Variants in SMC2 observed in about 807,000 individuals in gnomAD.
SMC2 encodes the protein structural maintenance of chromosomes protein 2.
SMC2 carries 41 observed loss-of-function variants against 142.6 expected under a neutral mutation model. The observed-to-expected ratio is 0.29, with a 90% CI of 0.22 to 0.37. The LOEUF is 0.37. Among genes scored for constraint, SMC2 ranks in the 10% least tolerant of loss-of-function variants. SMC2 has a pLI of 1.00. For missense variants in SMC2, 1,265 were observed against 1,373.7 expected, an observed-to-expected ratio of 0.92 and a Z score of 1.25; for synonymous variants, 463 against 457.5, an observed-to-expected ratio of 1.01 and a Z score of -0.15.
At chr9:104,129,502 C>CA (rs60804779) in intron 20 of SMC2, 143 bp from the exon 21 acceptor site, 47,151 of 541,396 alleles carry the variant, frequency 0.087, 2 homozygotes, top group Middle Eastern at 0.12. Context: ...AACTCCATCT[C>CA]AAAAAAAAAA....
At position 104,139,317 on chromosome 9, in the gene SMC2, C is replaced by T; in HGVS notation, c.*2C>T. 1.9e-6 allele frequency: 3 copies of T among 1,567,556 alleles called. No homozygotes were observed. The highest frequency in any genetic ancestry group is 2.6e-6 in the Non-Finnish European group (3 of 1,165,550). On this transcript the variant is annotated 3_prime_UTR_variant, in exon 25 of 25. Coordinates refer to ENST00000374793, the MANE Select transcript of SMC2 (RefSeq NM_006444.3). ...AAAGGAGCACATGTGGAAGTTTAAA[C>T]TACAAAGTTATTTCTTCATCTTGAC...
rs375900383 is a variant in SMC2, at chr9:104,134,602, A to G, written c.3269+27A>G. 5.4e-5 allele frequency: 79 copies of G among 1,470,138 alleles called. 1 individual carries two copies. The East Asian group carries it at 7.0e-4, about 13-fold the overall frequency. The allele number at this position is 1,470,138 out of a possible 1,614,324, so 91.1% of individuals were successfully genotyped here. ...TGAGGAATCACTTTGCTATATTATA[A>G]TTTTCATTCCTCTTTATTATAATTC... On this transcript the variant is annotated intron_variant, in intron 23 of 24. Transcript: ENST00000374793.
intron 20 of SMC2, 60 bp downstream of exon 20, chr9:104,127,540 AAATTTAG>A: frequency 7.7e-7 from 1 of 1,304,492 alleles, no homozygotes; most frequent in Non-Finnish European, 1.0e-6. Context: ...GCTCTTGAAA[AAATTTAG>A]AAAACTGCTT....
chr9:104,119,207 A>G (rs890969432), intron 15 of SMC2, among the ~76,000 whole-genome samples: 1 of 152,242 alleles, frequency 6.6e-6, no homozygotes, highest in Non-Finnish European at 1.5e-5. Context: ...TGCAAATGGA[A>G]GATAAAAAGA....
chr9:104,122,777 C>T (rs1018908730), intron 16 of SMC2, among the ~76,000 whole-genome samples: 3 of 151,862 alleles, frequency 2.0e-5, no homozygotes, highest in East Asian at 1.9e-4. Flanking sequence ...AATCATTTTT[C>T]GTGGTGAGTA....
chr9:104,092,015 C>T (rs1227065932), upstream of SMC2: 1 of 152,036 alleles, frequency 6.6e-6, no homozygotes, highest in Non-Finnish European at 1.5e-5. Flanking sequence ...CTACCCTATA[C>T]TCTCTGTTTC....
In SMC2 at chr9:104,120,030, C is replaced by G; in HGVS notation, c.2000C>G (p.Ala667Gly). ...TGTTTCAATTTGCCTCTATCAGGTG[C>G]TCGATCCCAGGCAGCTTCCATTTTA... ...FDPHGTLSGG[A>G]RSQAASILTK... Residue 667 changes from alanine to glycine, a missense_variant, in exon 16 of 25, where the codon GCT (alanine) becomes GGT (glycine). Ala to Gly is a moderately conservative substitution (Grantham distance 60). Coordinates refer to ENST00000374793, the MANE Select transcript of SMC2 (RefSeq NM_006444.3). 6.2e-7 allele frequency: 1 copy of G among 1,613,824 alleles called. No homozygotes were observed. Among genetic ancestry groups the G allele is most frequent in the Non-Finnish European group, 8.5e-7 (1 of 1,179,858 alleles).
chr9:104,100,311 C>T, intron 6 of SMC2, 78 bp from the exon 7 acceptor site: 2 of 1,397,210 alleles, frequency 1.4e-6, no homozygotes, highest in Non-Finnish European at 2.0e-6. Flanking sequence ...TTTCCATAGT[C>T]ATCCCTGCTA....
rs374266125 is a variant in SMC2 at position 104,120,061 on chromosome 9, G to A, written c.2031G>A (p.Lys677=). 1.7e-5 allele frequency: 28 copies of A among 1,613,760 alleles called. No homozygotes were observed. The highest frequency in any genetic ancestry group is 2.7e-5 in the African/African-American group (2 of 74,886). Residue 677 remains lysine, a synonymous_variant, in exon 16 of 25, where the codon AAG becomes AAA. Transcript: ENST00000374793. ...CCCAGGCAGCTTCCATTTTAACCAAGTTTCAAGAACTCAAAGATGTTCAGG... is the reference window on the plus strand; with the variant it reads ...CCCAGGCAGCTTCCATTTTAACCAAATTTCAAGAACTCAAAGATGTTCAGG... ...ARSQAASILT[K]FQELKDVQDE...
rs766262481 is a variant in SMC2, at chr9:104,102,002, A to G, written c.679A>G (p.Ile227Val). The G allele has an allele frequency of 2.5e-6, 4 of 1,610,348 alleles. No individual in the cohort carries two copies. Among genetic ancestry groups the G allele is most frequent in the Non-Finnish European group, 2.5e-6 (3 of 1,178,770 alleles). Residue 227 changes from isoleucine (I) to valine (V), a missense_variant, in exon 8 of 25, where the codon ATA (isoleucine) becomes GTA (valine). Around this residue, in one of 4 missense-constraint regions of SMC2, gnomAD observed 898 missense variants for 904.2 expected, o/e 0.99. Transcript: ENST00000374793. ...YLEYQKVMRE[I>V]EHLSRLYIAY... ...GGAGTACCAAAAAGTAATGAGAGAA[A>G]TAGAACATTTGAGTCGTTTATATAT...
Position 104,098,512 on chromosome 9 carries a change from G to T in SMC2, c.385G>T (p.Asp129Tyr). 6.2e-7 allele frequency: 1 copy of T among 1,600,178 alleles called. No individual in the cohort carries two copies. ...CAATGCCAACAACACCAGAGTACAG[G>T]ATCTCTTCTGTTCTGTTGGCCTTAA... The part of the protein sequence containing the change: ...GVNANNTRVQ[D>Y]LFCSVGLNVN... The change falls in exon 4 of 25, where the codon GAT becomes TAT. Residue 129 changes from aspartate to tyrosine, a missense_variant. Around this residue, in one of 4 missense-constraint regions of SMC2, gnomAD observed 168 missense variants for 184.8 expected, o/e 0.91. Coordinates refer to ENST00000374793, the MANE Select transcript of SMC2 (RefSeq NM_006444.3).
intron 13 of SMC2, among the ~76,000 whole-genome samples, chr9:104,115,771 T>G (rs1361069808): frequency 6.6e-6 from 1 of 152,184 alleles, no homozygotes; most frequent in Non-Finnish European, 1.5e-5. Flanking sequence ...GTCCTCATGC[T>G]ATACATTACA....
intron 14 of SMC2, 68 bp downstream of exon 14, chr9:104,116,387 T>G: frequency 7.0e-7 from 1 of 1,424,186 alleles, no homozygotes; most frequent in Non-Finnish European, 9.4e-7. Context: ...TAGAAGACAT[T>G]AATTTTGAGG....
At chr9:104,119,438 T>C (rs1833488202) in intron 15 of SMC2, among the ~76,000 whole-genome samples, 1 of 152,180 alleles carries the variant, frequency 6.6e-6, no homozygotes, top group African/African-American at 2.4e-5. Context: ...ATAGTTATAG[T>C]TGCATAATGT....
intron 21 of SMC2, among the ~76,000 whole-genome samples, chr9:104,131,057 G>A (rs115003822): frequency 0.028 from 4,287 of 152,236 alleles, 203 homozygotes; most frequent in African/African-American, 0.098. Context: ...GGACTGACTA[G>A]AATTGTTAAA....
chr9:104,112,653 A>AT (rs1286481851), intron 10 of SMC2, among the ~76,000 whole-genome samples: 5 of 152,150 alleles, frequency 3.3e-5, no homozygotes, highest in Non-Finnish European at 7.4e-5. Context: ...CTATTATTTT[A>AT]TAAGGGAACT....
chr9:104,109,288 T>C (rs575064181), intron 9 of SMC2, among the ~76,000 whole-genome samples: 3 of 152,354 alleles, frequency 2.0e-5, no homozygotes, highest in Admixed American at 2.0e-4. Context: ...ATTTACCTAA[T>C]TGTTGAGGCC....
At chr9:104,101,890 C>T in intron 7 of SMC2, 70 bp from the exon 8 acceptor site, 8 of 917,918 alleles carry the variant, frequency 8.7e-6, no homozygotes, top group Non-Finnish European at 1.3e-5. Flanking sequence ...AAATTTGTTT[C>T]ATCTTGCATA....
chr9:104,114,220 T>A, intron 12 of SMC2, 139 bp downstream of exon 12: 1 of 521,212 alleles, frequency 1.9e-6, no homozygotes, highest in Non-Finnish European at 3.4e-6. Context: ...TCATTGGTAT[T>A]TTTCCTTTAA....
Sources: gnomAD v4.1 joint callset for allele counts (sites outside exome capture counted in the v4.1 genomes callset) on GRCh38, gnomAD v4.1.1 for gene constraint, gnomAD v4.1.1 regional missense constraint, MANE v1.5 for transcripts, NCBI Gene and HGNC (gene_info 2026-07-23, HGNC 2026-07-21) for gene names.